The following TUSC3 variants were observed in gnomAD, a reference collection of about 807,000 sequenced individuals.
TUSC3 encodes the protein tumor suppressor candidate 3, also known as dolichyl-diphosphooligosaccharide--protein glycosyltransferase subunit TUSC3.
In TUSC3, 45 loss-of-function variants were observed where a neutral mutation model predicts 44.8. That is an observed-to-expected ratio of 1.00 (90% CI 0.79 to 1.29). The LOEUF (loss-of-function observed/expected upper bound fraction) is 1.29, where lower values mean the gene tolerates loss of function less well. Ranked by LOEUF, TUSC3 falls within the 50% of genes most tolerant of loss-of-function variation. The pLI is 0.00. For synonymous variants in TUSC3, 212 were observed against 152.9 expected, an observed-to-expected ratio of 1.39 and a Z score of -2.85; for missense variants, 519 against 437.9, an observed-to-expected ratio of 1.19 and a Z score of -1.65.
chr8:15,834,695 A>C, the TUSC3 span, among the ~76,000 whole-genome samples: 1 of 152,258 alleles, frequency 6.6e-6, no homozygotes, highest in South Asian at 2.1e-4. Context: ...TTATTGAGTT[A>C]ATTCATTCAG....
chr8:15,716,031 G>A (rs192358588), intron 6 of TUSC3, among the ~76,000 whole-genome samples: 3 of 152,098 alleles, frequency 2.0e-5, no homozygotes, highest in South Asian at 2.1e-4. Flanking sequence ...CACGGCAGGC[G>A]GTTCACTTGA....
chr8:15,719,867 A>G (rs533179390), intron 6 of TUSC3, among the ~76,000 whole-genome samples: 2 of 152,198 alleles, frequency 1.3e-5, no homozygotes, highest in South Asian at 4.1e-4. Context: ...GATCCAAATC[A>G]TTTGTGTATG....
intron 5 of TUSC3, among the ~76,000 whole-genome samples, chr8:15,663,877 T>C (rs1381545076): frequency 6.6e-6 from 1 of 151,882 alleles, no homozygotes. Context: ...TTTCACTGTG[T>C]TGTTGCAAAA....
intron 1 of TUSC3, among the ~76,000 whole-genome samples, chr8:15,418,106 C>A (rs1281641830): frequency 1.3e-5 from 2 of 152,060 alleles, no homozygotes; most frequent in African/African-American, 4.8e-5. Flanking sequence ...TCAAGGAAAC[C>A]AAGAATTAGT....
chr8:15,723,418 A>G (rs1810382159), intron 6 of TUSC3, among the ~76,000 whole-genome samples: 1 of 152,198 alleles, frequency 6.6e-6, no homozygotes, highest in African/African-American at 2.4e-5. Flanking sequence ...AGTTGAAGCC[A>G]AATATTTAAT....
At chr8:15,784,033 G>A in the TUSC3 span, among the ~76,000 whole-genome samples, 1 of 152,034 alleles carries the variant, frequency 6.6e-6, no homozygotes, top group African/African-American at 2.4e-5. Flanking sequence ...TTTAAAAATG[G>A]GCAATGGACC....
chr8:15,440,235 C>G (rs1425081693), intron 1 of TUSC3, among the ~76,000 whole-genome samples: 2 of 152,134 alleles, frequency 1.3e-5, no homozygotes, highest in Non-Finnish European at 2.9e-5. Flanking sequence ...GAGCTGAGAA[C>G]TTTACGGGCA....
chr8:15,440,929 T>G (rs1422636605), intron 1 of TUSC3, among the ~76,000 whole-genome samples: 2 of 152,180 alleles, frequency 1.3e-5, no homozygotes, highest in African/African-American at 2.4e-5. Flanking sequence ...CCAAGTTATG[T>G]TGATGGACCA....
At chr8:15,720,826 C>T (rs1361168964) in intron 6 of TUSC3, among the ~76,000 whole-genome samples, 2 of 152,008 alleles carry the variant, frequency 1.3e-5, no homozygotes, top group Admixed American at 1.3e-4. Flanking sequence ...GCAGTGACCA[C>T]AAATAAATAC....
chr8:15,767,658 T>A (rs986099069), downstream of TUSC3, among the ~76,000 whole-genome samples: 1 of 152,106 alleles, frequency 6.6e-6, no homozygotes, highest in African/African-American at 2.4e-5. Context: ...TTCCTGGCTT[T>A]GGAGGGAGCA....
At chr8:15,746,693 C>T (rs1211867342) in intron 8 of TUSC3, among the ~76,000 whole-genome samples, 2 of 151,112 alleles carry the variant, frequency 1.3e-5, no homozygotes, top group African/African-American at 4.9e-5. Context: ...AATGGGGCTA[C>T]TAAAAAGGAG....
At chr8:15,466,451 G>C (rs1034096641) in intron 1 of TUSC3, among the ~76,000 whole-genome samples, 1 of 152,090 alleles carries the variant, frequency 6.6e-6, no homozygotes, top group Non-Finnish European at 1.5e-5. Context: ...TCAAAGATGA[G>C]TGCCCAATGT....
chr8:15,568,536 T>C (rs1316020653), intron 1 of TUSC3, among the ~76,000 whole-genome samples: 1 of 152,156 alleles, frequency 6.6e-6, no homozygotes, highest in East Asian at 1.9e-4. Flanking sequence ...TTGATAAACA[T>C]GAAAGACATT....
At chr8:15,686,981 G>T (rs999916044) in intron 6 of TUSC3, among the ~76,000 whole-genome samples, 1 of 152,114 alleles carries the variant, frequency 6.6e-6, no homozygotes, top group Non-Finnish European at 1.5e-5. Context: ...GCTGAGGCAG[G>T]AGAATGGCCT....
At chr8:15,699,998 T>C (rs1809327884) in intron 6 of TUSC3, among the ~76,000 whole-genome samples, 1 of 152,218 alleles carries the variant, frequency 6.6e-6, no homozygotes, top group African/African-American at 2.4e-5. Context: ...AATCTTTTTA[T>C]AATCTTTTTA....
At chr8:15,712,518 G>C (rs1298758650) in intron 6 of TUSC3, among the ~76,000 whole-genome samples, 1 of 151,798 alleles carries the variant, frequency 6.6e-6, no homozygotes. Flanking sequence ...CGTTTTATTA[G>C]ATCTCTTTTA....
chr8:15,795,964 G>A, the TUSC3 span, among the ~76,000 whole-genome samples: 1 of 152,148 alleles, frequency 6.6e-6, no homozygotes, highest in East Asian at 1.9e-4. Context: ...AATCAAGAGT[G>A]GTGAAGGACC....
At chr8:15,562,323 T>C (rs1475355673) in intron 1 of TUSC3, among the ~76,000 whole-genome samples, 1 of 152,168 alleles carries the variant, frequency 6.6e-6, no homozygotes, top group African/African-American at 2.4e-5. Flanking sequence ...GCATAGCTAA[T>C]AAAACCGCTT....
chr8:15,789,256 T>C, the TUSC3 span, among the ~76,000 whole-genome samples: 1 of 152,182 alleles, frequency 6.6e-6, no homozygotes, highest in Non-Finnish European at 1.5e-5. Flanking sequence ...AGCAGTTGCT[T>C]GCAATGTTCA....
Sources: allele counts gnomAD v4.1 joint callset (sites outside exome capture counted in the v4.1 genomes callset), GRCh38; gene constraint gnomAD v4.1.1; transcripts MANE v1.5; gene names NCBI Gene and HGNC (gene_info 2026-07-23, HGNC 2026-07-21).